GRID1: variants seen among roughly 807,000 people sequenced by gnomAD.
GRID1 encodes glutamate receptor ionotropic, delta-1.
GRID1 carries 28 observed loss-of-function variants against 98.0 expected under a neutral mutation model. The ratio of observed to expected loss-of-function variants is 0.29; its 90% confidence interval spans 0.21 to 0.39. The LOEUF (loss-of-function observed/expected upper bound fraction) is 0.39, where lower values mean the gene tolerates loss of function less well. Ranked by LOEUF, GRID1 falls within the 10% of genes least tolerant of loss-of-function variation. The pLI is 1.00. For synonymous variants in GRID1, 553 were observed against 538.5 expected, an observed-to-expected ratio of 1.03 and a Z score of -0.37; for missense variants, 1,111 against 1,340.5, an observed-to-expected ratio of 0.83 and a Z score of 2.67.
At chr10:86,050,038 G>A (rs188585031) in intron 4 of GRID1, among the ~76,000 whole-genome samples, 1 of 152,172 alleles carries the variant, frequency 6.6e-6, no homozygotes, top group Non-Finnish European at 1.5e-5. Flanking sequence ...GAGAAATGAT[G>A]GCATCCATGC....
At chr10:85,686,219 C>T (rs1350333695) in intron 12 of GRID1, among the ~76,000 whole-genome samples, 1 of 152,162 alleles carries the variant, frequency 6.6e-6, no homozygotes, top group Non-Finnish European at 1.5e-5. Flanking sequence ...CAGTTACATA[C>T]ACAGCCTGCT....
chr10:85,643,311 T>C (rs1843146761), intron 13 of GRID1, among the ~76,000 whole-genome samples: 2 of 152,004 alleles, frequency 1.3e-5, no homozygotes, highest in Admixed American at 6.6e-5. Flanking sequence ...AGACTCTGTT[T>C]GGGATTTGGA....
intron 4 of GRID1, among the ~76,000 whole-genome samples, chr10:86,011,368 C>A (rs1218050976): frequency 6.6e-6 from 1 of 151,844 alleles, no homozygotes; most frequent in African/African-American, 2.4e-5. Context: ...TGGAACAATA[C>A]CTAGCAAATA....
At chr10:85,980,726 G>A (rs1185578430) in intron 4 of GRID1, among the ~76,000 whole-genome samples, 4 of 152,178 alleles carry the variant, frequency 2.6e-5, no homozygotes, top group Non-Finnish European at 4.4e-5. Flanking sequence ...CAGAAACAGG[G>A]ATGTGTCTCC....
intron 4 of GRID1, among the ~76,000 whole-genome samples, chr10:86,097,461 C>T (rs932162344): frequency 3.3e-5 from 5 of 152,070 alleles, no homozygotes; most frequent in East Asian, 1.9e-4. Context: ...ATCTGTCTAC[C>T]GTCTATCTAT....
intron 2 of GRID1, among the ~76,000 whole-genome samples, chr10:86,341,673 G>A (rs547484687): frequency 6.6e-6 from 1 of 152,302 alleles, no homozygotes; most frequent in East Asian, 1.9e-4. Context: ...CTATGAGCCT[G>A]GCATTTACAT....
rs188615585 is a variant in GRID1, at chr10:86,128,791, T to A, written c.726+10028A>T. Among the ~76,000 whole-genome samples, 3 of 152,274 alleles carry A rather than the reference T, an allele frequency of 2.0e-5. No individual in the cohort carries two copies. The East Asian group carries it at 5.8e-4, about 29-fold the overall frequency. The stretch of plus-strand genomic sequence containing the variant: ...TTTCTCAACGCCCTTCATGCCCATA[T>A]CTTTACATTTTCTGAGACTCATCGA... On this transcript the variant is annotated intron_variant, in intron 4 of 15. Coordinates refer to ENST00000327946, the MANE Select transcript of GRID1 (RefSeq NM_017551.3).
intron 2 of GRID1, among the ~76,000 whole-genome samples, chr10:86,212,154 G>A (rs532048984): frequency 6.6e-6 from 1 of 152,218 alleles, no homozygotes; most frequent in African/African-American, 2.4e-5. Context: ...CAATACCCCA[G>A]AAGGCATGTG....
At chr10:86,341,917 G>C (rs1324656234) in intron 2 of GRID1, among the ~76,000 whole-genome samples, 2 of 152,220 alleles carry the variant, frequency 1.3e-5, no homozygotes, top group Non-Finnish European at 2.9e-5. Context: ...TTCTGTGCCA[G>C]AGTTTCCAAG....
intron 4 of GRID1, among the ~76,000 whole-genome samples, chr10:86,008,865 G>A (rs980195635): frequency 2.2e-4 from 34 of 152,020 alleles, no homozygotes; most frequent in Non-Finnish European, 4.1e-4. Context: ...GCGATCCAGC[G>A]CCACTCCAAG....
chr10:85,911,216 C>A (rs1437498466), intron 5 of GRID1, among the ~76,000 whole-genome samples: 2 of 152,040 alleles, frequency 1.3e-5, no homozygotes, highest in Non-Finnish European at 2.9e-5. Flanking sequence ...GTCTGAGGAG[C>A]CAACCAGAAG....
chr10:85,722,283 G>C (rs1841712632), intron 12 of GRID1, among the ~76,000 whole-genome samples: 1 of 152,112 alleles, frequency 6.6e-6, no homozygotes, highest in South Asian at 2.1e-4. Context: ...TCAAGTTAGA[G>C]GCAATATTGA....
chr10:85,826,329 C>T (rs1365428308), intron 8 of GRID1, among the ~76,000 whole-genome samples: 5 of 152,044 alleles, frequency 3.3e-5, no homozygotes, highest in South Asian at 2.1e-4. Flanking sequence ...AGCGAGACTC[C>T]GTCAAAAACA....
chr10:86,299,197 C>CT (rs58078110), intron 2 of GRID1, among the ~76,000 whole-genome samples: 52,043 of 141,558 alleles, frequency 0.37, 12,999 homozygotes, highest in African/African-American at 0.71. Context: ...AATAAGATTT[C>CT]TTTTTTTTTT....
At chr10:85,954,147 G>A (rs548587374) in intron 4 of GRID1, among the ~76,000 whole-genome samples, 1 of 152,120 alleles carries the variant, frequency 6.6e-6, no homozygotes, top group Admixed American at 6.5e-5. Flanking sequence ...GGAAAGAAGG[G>A]GAGCCAGTAG....
intron 3 of GRID1, among the ~76,000 whole-genome samples, chr10:86,201,695 T>TAA (rs10685803): frequency 0.036 from 5,039 of 141,474 alleles, 216 homozygotes; most frequent in East Asian, 0.11. Context: ...AAATAAAAGT[T>TAA]AAAAAAAAAA....
chr10:85,921,919 C>A (rs1333405086), intron 4 of GRID1, among the ~76,000 whole-genome samples: 2 of 152,186 alleles, frequency 1.3e-5, no homozygotes, highest in East Asian at 3.9e-4. Flanking sequence ...TGCTTTACAA[C>A]CCACACACCT....
intron 2 of GRID1, among the ~76,000 whole-genome samples, chr10:86,325,286 T>C (rs895048753): frequency 6.6e-6 from 1 of 152,226 alleles, no homozygotes; most frequent in African/African-American, 2.4e-5. Flanking sequence ...CACACTACCA[T>C]GAAGTAGGCA....
chr10:86,002,999 T>C (rs1221623298), intron 4 of GRID1, among the ~76,000 whole-genome samples: 1 of 152,144 alleles, frequency 6.6e-6, no homozygotes, highest in African/African-American at 2.4e-5. Context: ...GGGATGACTG[T>C]CCTCCAGCTA....
Sources: gnomAD v4.1 joint callset for allele counts (sites outside exome capture counted in the v4.1 genomes callset) on GRCh38, gnomAD v4.1.1 for gene constraint, MANE v1.5 for transcripts, NCBI Gene and HGNC (gene_info 2026-07-23, HGNC 2026-07-21) for gene names.